Variants in PPP6R3 observed in about 807,000 individuals in gnomAD.
PPP6R3 encodes serine/threonine-protein phosphatase 6 regulatory subunit 3.
In PPP6R3, 38 loss-of-function variants were observed where a neutral mutation model predicts 110.7. The observed-to-expected ratio is 0.34, with a 90% CI of 0.26 to 0.45. The LOEUF is 0.45. Ranked by LOEUF, PPP6R3 falls within the 20% of genes least tolerant of loss-of-function variation. PPP6R3 has a pLI of 1.00. For synonymous variants in PPP6R3, 369 were observed against 373.5 expected (o/e 0.99, Z 0.14); for missense variants, 870 against 1,062.4 (o/e 0.82, Z 2.52).
chr11:68,467,836 G>A (rs61889579), intron 1 of PPP6R3, among the ~76,000 whole-genome samples: 7,441 of 152,236 alleles, frequency 0.049, 251 homozygotes, highest in Middle Eastern at 0.071. Context: ...GTGTAGTGGC[G>A]CGATCTCGGC....
chr11:68,498,142 A>G (rs2099028852), intron 1 of PPP6R3, among the ~76,000 whole-genome samples: 1 of 152,216 alleles, frequency 6.6e-6, no homozygotes, highest in South Asian at 2.1e-4. Context: ...ACCAAGGGGT[A>G]TATAGATTTT....
In PPP6R3 at chr11:68,596,100, G is replaced by T. The variant is rs188470362; in HGVS notation, c.1920G>T (p.Ser640=). Residue 640 remains serine (S), a synonymous_variant, in exon 19 of 24, where the codon TCG becomes TCT. Coordinates refer to ENST00000393800, the MANE Select transcript of PPP6R3 (RefSeq NM_001164161.2). ...CTTGGGTCTTGTTTTTCCTTAGCTC[G>T]GGGAGTACAGACAGTGAGGAAAGTA... ...FTPESQRRSS[S]GSTDSEESTD... The T allele has an allele frequency of 3.1e-6, 5 of 1,614,006 alleles. No individual in the cohort carries two copies. In the African/African-American group the frequency reaches 6.7e-5, roughly 22 times the overall value.
intron 1 of PPP6R3, among the ~76,000 whole-genome samples, chr11:68,484,627 G>T (rs757858229): frequency 4.0e-5 from 6 of 151,648 alleles, no homozygotes; most frequent in Non-Finnish European, 8.8e-5. Flanking sequence ...CGCTCTTGTT[G>T]CCCAGGGTGG....
chr11:68,494,891 G>A (rs1218130085), intron 1 of PPP6R3, among the ~76,000 whole-genome samples: 1 of 152,118 alleles, frequency 6.6e-6, no homozygotes, highest in Non-Finnish European at 1.5e-5. Flanking sequence ...ACAATATACA[G>A]TTAATTTCTT....
At chr11:68,612,990 G>T in intron 23 of PPP6R3, 76 bp from the exon 24 acceptor site, 1 of 1,609,152 alleles carries the variant, frequency 6.2e-7, no homozygotes, top group East Asian at 2.2e-5. Flanking sequence ...CCTGCCCTTG[G>T]GGAGCTCAGC....
At chr11:68,515,447 A>G (rs1419774194) in intron 1 of PPP6R3, among the ~76,000 whole-genome samples, 4 of 152,364 alleles carry the variant, frequency 2.6e-5, no homozygotes, top group South Asian at 2.1e-4. Flanking sequence ...GGGGGCAGCA[A>G]TCCTGAAACA....
intron 2 of PPP6R3, among the ~76,000 whole-genome samples, chr11:68,533,984 G>A (rs1426605255): frequency 2.6e-5 from 4 of 152,134 alleles, no homozygotes; most frequent in Admixed American, 2.6e-4. Flanking sequence ...GGGGACCACG[G>A]CACGTTCCAT....
Position 68,601,694 on chromosome 11 carries a change from A to T in PPP6R3, c.2193-169A>T, listed in dbSNP as rs190699949. On this transcript the variant is annotated intron_variant, in intron 20 of 23. Coordinates refer to ENST00000393800, the MANE Select transcript of PPP6R3 (RefSeq NM_001164161.2). ...CCCGCACTCATGTCCTTCTTCAAAC[A>T]GCTACTGGCACTTAGATCCATGTGT... Among the ~76,000 whole-genome samples the T allele has an allele frequency of 4.5e-4, 68 of 152,268 alleles. No homozygotes were observed. In the South Asian group the frequency reaches 4.6e-3, roughly 10 times the overall value.
chr11:68,526,706 C>T, intron 2 of PPP6R3, among the ~76,000 whole-genome samples: 1 of 152,124 alleles, frequency 6.6e-6, no homozygotes, highest in Non-Finnish European at 1.5e-5. Flanking sequence ...TTGTGCCATC[C>T]TTATTACTTG....
chr11:68,585,160 TCCCTTTAGC>T (rs1489239488), intron 15 of PPP6R3, among the ~76,000 whole-genome samples: 4 of 152,214 alleles, frequency 2.6e-5, no homozygotes, highest in Non-Finnish European at 5.9e-5. Context: ...CATTTGCTTC[TCCCTTTAGC>T]CTTGTCTGGT....
intron 1 of PPP6R3, among the ~76,000 whole-genome samples, chr11:68,468,749 T>C (rs1006268467): frequency 2.0e-5 from 3 of 152,270 alleles, no homozygotes; most frequent in African/African-American, 7.2e-5. Flanking sequence ...TGTTTTAATG[T>C]ATATAACTGT....
chr11:68,578,758 C>T lies in PPP6R3; in HGVS notation c.1545+2715C>T, dbSNP rs1344725500. Among the ~76,000 whole-genome samples the T allele has an allele frequency of 2.6e-5, 4 of 152,276 alleles. 1 individual carries two copies. The highest frequency in any genetic ancestry group is 6.8e-3 in the Middle Eastern group (2 of 294). Reference sequence around the variant, plus strand: ...TTAGTTAAATTCTCTCTGAGATACTCGAAGTGCTTTAATCTTTTGGCTCCA... The same window carrying T: ...TTAGTTAAATTCTCTCTGAGATACTTGAAGTGCTTTAATCTTTTGGCTCCA... On this transcript the variant is annotated intron_variant, in intron 14 of 23. Coordinates refer to ENST00000393800, the MANE Select transcript of PPP6R3 (RefSeq NM_001164161.2).
chr11:68,602,839 A>T (rs1053108325), intron 21 of PPP6R3, among the ~76,000 whole-genome samples: 1 of 152,156 alleles, frequency 6.6e-6, no homozygotes. Flanking sequence ...GGTGATGTCG[A>T]TGTTTGAATC....
intron 8 of PPP6R3, among the ~76,000 whole-genome samples, chr11:68,563,956 G>A (rs537818833): frequency 6.6e-6 from 1 of 152,298 alleles, no homozygotes; most frequent in African/African-American, 2.4e-5. Flanking sequence ...AGGCAATTTG[G>A]GGTGCCCTAT....
At position 68,600,514 on chromosome 11, in the gene PPP6R3, C is replaced by G; in HGVS notation, c.2192+20C>G. On this transcript the variant is annotated intron_variant, in intron 20 of 23. Transcript: ENST00000393800. ...CCTGAGGTGAGCGAACATGTGCTGT[C>G]TCTACACCCTTCCACGGGGGACCTG... The G allele has an allele frequency of 2.5e-6, 4 of 1,596,654 alleles. No individual in the cohort carries two copies. The highest frequency in any genetic ancestry group is 3.4e-6 in the Non-Finnish European group (4 of 1,172,578).
chr11:68,484,881 C>G (rs2098936690), intron 1 of PPP6R3, among the ~76,000 whole-genome samples: 1 of 152,146 alleles, frequency 6.6e-6, no homozygotes, highest in Non-Finnish European at 1.5e-5. Context: ...GCCACAGCGC[C>G]CAGCCTTCTT....
intron 9 of PPP6R3, among the ~76,000 whole-genome samples, chr11:68,566,759 G>A (rs956337261): frequency 2.6e-5 from 4 of 152,150 alleles, no homozygotes; most frequent in African/African-American, 9.7e-5. Context: ...TAACAGCTTG[G>A]AATGTTGAGG....
At chr11:68,590,624 TA>T in intron 16 of PPP6R3, 35 bp from the exon 17 acceptor site, 1 of 1,524,094 alleles carries the variant, frequency 6.6e-7, no homozygotes, top group Non-Finnish European at 8.9e-7. Flanking sequence ...TGATAGTAAT[TA>T]ATGCTTCCTA....
intron 1 of PPP6R3, among the ~76,000 whole-genome samples, chr11:68,498,122 G>T (rs1454476856): frequency 1.3e-5 from 2 of 152,138 alleles, no homozygotes; most frequent in African/African-American, 2.4e-5. Context: ...TAGAATAAAA[G>T]AATAATTGGA....
Sources: gnomAD v4.1 joint callset for allele counts (sites outside exome capture counted in the v4.1 genomes callset) on GRCh38, gnomAD v4.1.1 for gene constraint, MANE v1.5 for transcripts, NCBI Gene and HGNC (gene_info 2026-07-23, HGNC 2026-07-21) for gene names.